ANK3: variants seen among roughly 807,000 people sequenced by gnomAD.
ANK3 encodes the protein ankyrin-3.
ANK3 carries 57 observed loss-of-function variants against 370.9 expected under a neutral mutation model. The observed-to-expected ratio is 0.15, with a 90% confidence interval of 0.12 to 0.19. ANK3 has a LOEUF of 0.19. ANK3 is among the 10% of genes least tolerant of loss of function. The pLI is 1.00. For missense variants in ANK3, 4,439 were observed against 5,302.1 expected (o/e 0.84, Z 5.06); for synonymous variants, 1,929 against 1,946.3 (o/e 0.99, Z 0.23).
intron 2 of ANK3, among the ~76,000 whole-genome samples, chr10:60,426,445 A>G (rs1010033844): frequency 9.2e-5 from 14 of 152,126 alleles, no homozygotes; most frequent in Non-Finnish European, 2.9e-5. Flanking sequence ...TCTCATTATG[A>G]TAACTAATAC....
chr10:60,461,175 C>T (rs1437109754), intron 2 of ANK3, among the ~76,000 whole-genome samples: 2 of 152,094 alleles, frequency 1.3e-5, no homozygotes, highest in Non-Finnish European at 2.9e-5. Context: ...AAAATAAAGG[C>T]CCTGGTTTCT....
intron 1 of ANK3, among the ~76,000 whole-genome samples, chr10:60,305,148 C>T (rs142926477): frequency 6.4e-4 from 97 of 152,322 alleles, no homozygotes; most frequent in African/African-American, 2.3e-3. Flanking sequence ...TCAGATCAAA[C>T]TCTTCCATAA....
At chr10:60,638,797 A>G (rs1212237060) in intron 1 of ANK3, among the ~76,000 whole-genome samples, 1 of 152,094 alleles carries the variant, frequency 6.6e-6, no homozygotes. Context: ...AGAACAAAAG[A>G]TCAATGAGTT....
At chr10:60,238,003 G>A (rs1293088723) in intron 7 of ANK3, among the ~76,000 whole-genome samples, 3 of 152,172 alleles carry the variant, frequency 2.0e-5, no homozygotes, top group African/African-American at 4.8e-5. Context: ...GGATTCAGAA[G>A]ACGTTTGTTT....
chr10:60,174,731 G>A (rs1398880094), intron 18 of ANK3, among the ~76,000 whole-genome samples: 2 of 152,078 alleles, frequency 1.3e-5, no homozygotes, highest in African/African-American at 4.8e-5. Context: ...ATATAGTTGA[G>A]ACAGGGTTGT....
At chr10:60,676,624 T>C (rs187435294) in intron 1 of ANK3, among the ~76,000 whole-genome samples, 72 of 152,314 alleles carry the variant, frequency 4.7e-4, no homozygotes, top group African/African-American at 1.6e-3. Context: ...TCATTAATCA[T>C]CATGATTCCT....
intron 2 of ANK3, chr10:60,572,373 A>G: frequency 7.8e-7 from 1 of 1,278,888 alleles, no homozygotes; most frequent in South Asian, 1.5e-5. Context: ...TTAAAAATCT[A>G]AAGCCAATCT....
chr10:60,086,604 C>A (rs2086737635), intron 30 of ANK3, 73 bp downstream of exon 30: 3 of 1,323,744 alleles, frequency 2.3e-6, no homozygotes, highest in Non-Finnish European at 3.1e-6. Context: ...GGTTTTATAT[C>A]TTTGTACACA....
chr10:60,665,962 G>A (rs935327293), intron 1 of ANK3, among the ~76,000 whole-genome samples: 3 of 152,192 alleles, frequency 2.0e-5, no homozygotes, highest in East Asian at 1.9e-4. Context: ...GCTATTGGTC[G>A]AAATGTAAAA....
intron 1 of ANK3, chr10:60,300,340 C>G: frequency 1.6e-6 from 2 of 1,288,666 alleles, no homozygotes; most frequent in Non-Finnish European, 2.0e-6. Context: ...AGCTCTCTCC[C>G]TCTTCCACTG....
At chr10:60,581,048 A>G (rs978514093) in intron 2 of ANK3, among the ~76,000 whole-genome samples, 2 of 152,260 alleles carry the variant, frequency 1.3e-5, no homozygotes, top group Non-Finnish European at 2.9e-5. Flanking sequence ...AACAAAGCTT[A>G]TATCAACTCA....
intron 24 of ANK3, chr10:60,137,373 GGAA>G: frequency 5.3e-5 from 3 of 56,188 alleles, no homozygotes; most frequent in Non-Finnish European, 3.5e-5. Context: ...AGTAATTTTA[GGAA>G]AAAAAAAAAA....
chr10:60,203,099 G>A lies in ANK3; in HGVS notation c.1295C>T (p.Ser432Leu), dbSNP rs377696913. 13 of 1,610,510 alleles carry A rather than the reference G, an allele frequency of 8.1e-6. No homozygotes were observed. The highest frequency in any genetic ancestry group is 4.0e-5 in the African/African-American group (3 of 74,700). The stretch of plus-strand genomic sequence containing the variant: ...AGCAACATGGATTGGGGTAAGGCCC[G>A]ACTAAGGGGAAAAGAAGAAAATGGT... ...HGASIQAVTESGLTPIHVAAF... is the reference protein window; with the variant it reads ...HGASIQAVTELGLTPIHVAAF... Residue 432 changes from serine (S) to leucine (L), a missense_variant and splice_region_variant, in exon 12 of 44, where the codon TCG (serine) becomes TTG (leucine). Around this residue, in one of 13 missense-constraint regions of ANK3, gnomAD observed 227 missense variants for 377.6 expected, o/e 0.60. Transcript: ENST00000280772.
At chr10:60,140,075 T>TA (rs1273383067) in intron 23 of ANK3, 1 of 490,472 alleles carries the variant, frequency 2.0e-6, no homozygotes, top group East Asian at 3.3e-5. Flanking sequence ...TTCCCCCAGA[T>TA]ATATTTTCCA....
intron 23 of ANK3, among the ~76,000 whole-genome samples, chr10:60,158,629 A>G (rs2095414430): frequency 6.6e-6 from 1 of 152,032 alleles, no homozygotes; most frequent in African/African-American, 2.4e-5. Context: ...TATAATAGAT[A>G]TACAAAATAT....
At chr10:60,660,183 C>G (rs965432263) in intron 1 of ANK3, among the ~76,000 whole-genome samples, 1 of 152,020 alleles carries the variant, frequency 6.6e-6, no homozygotes, top group Admixed American at 6.6e-5. Flanking sequence ...GAATAAGAAC[C>G]CTCTTTTATT....
intron 2 of ANK3, among the ~76,000 whole-genome samples, chr10:60,601,311 G>T (rs1245977709): frequency 6.7e-6 from 1 of 149,976 alleles, no homozygotes; most frequent in African/African-American, 2.5e-5. Flanking sequence ...AGTATGGAAA[G>T]AGAGAAAAAA....
chr10:60,082,282 C>A (rs1007760875), intron 34 of ANK3, 106 bp from the exon 35 acceptor site: 1 of 1,028,794 alleles, frequency 9.7e-7, no homozygotes, highest in Non-Finnish European at 1.4e-6. Context: ...CAAATGCAAG[C>A]TGATTTAGAA....
intron 2 of ANK3, among the ~76,000 whole-genome samples, chr10:60,490,697 T>C (rs549445930): frequency 2.6e-5 from 4 of 152,320 alleles, no homozygotes; most frequent in South Asian, 2.1e-4. Flanking sequence ...TTATTTAGCA[T>C]ACAAACTTGC....
Sources: gnomAD v4.1 joint callset for allele counts (sites outside exome capture counted in the v4.1 genomes callset) on GRCh38, gnomAD v4.1.1 for gene constraint, gnomAD v4.1.1 regional missense constraint, MANE v1.5 for transcripts, NCBI Gene and HGNC (gene_info 2026-07-23, HGNC 2026-07-21) for gene names.